Variants in RYK observed in about 807,000 individuals in gnomAD.
The protein encoded by RYK is inactive tyrosine-protein kinase RYK.
Under a neutral mutation model 70.2 loss-of-function variants are expected in RYK, and 21 were observed. That is an observed-to-expected ratio of 0.30 (90% CI 0.21 to 0.43). The LOEUF (loss-of-function observed/expected upper bound fraction) is 0.43, where lower values mean the gene tolerates loss of function less well. Ranked by LOEUF, RYK falls within the 20% of genes least tolerant of loss-of-function variation. The pLI is 1.00. For synonymous variants in RYK, 267 were observed against 278.0 expected (o/e 0.96, Z 0.39); for missense variants, 604 against 753.3 (o/e 0.80, Z 2.32).
At chr3:134,204,591 C>CCACCCACACACA (rs1553771724) in intron 5 of RYK, among the ~76,000 whole-genome samples, 2 of 140,694 alleles carry the variant, frequency 1.4e-5, no homozygotes, top group African/African-American at 5.3e-5. Context: ...ACAGCCACAG[C>CCACCCACACACA]CACACACACA....
At chr3:134,234,164 C>T (rs1215077202) in intron 1 of RYK, among the ~76,000 whole-genome samples, 1 of 151,968 alleles carries the variant, frequency 6.6e-6, no homozygotes, top group Non-Finnish European at 1.5e-5. Flanking sequence ...AATATGCATA[C>T]AGCTGCGACA....
chr3:134,216,768 G>T (rs1346790635), intron 2 of RYK, among the ~76,000 whole-genome samples: 1 of 125,350 alleles, frequency 8.0e-6, no homozygotes, highest in South Asian at 2.7e-4. Context: ...ACTCCAGCCT[G>T]GGCGACAGAG....
At chr3:134,158,373 G>A (rs1180454590) in intron 14 of RYK, 109 bp from the exon 15 acceptor site, 1 of 463,160 alleles carries the variant, frequency 2.2e-6, no homozygotes, top group Non-Finnish European at 3.7e-6. Context: ...GTATGGAGAG[G>A]ATGATATATT....
In RYK at chr3:134,203,644, A is replaced by G. The variant is rs182607557; in HGVS notation, c.644-770T>C. Among the ~76,000 whole-genome samples the G allele has an allele frequency of 1.9e-3, 283 of 152,334 alleles. 2 individuals are homozygous for G. The highest frequency in any genetic ancestry group is 6.3e-3 in the African/African-American group (263 of 41,580). On this transcript the variant is annotated intron_variant, in intron 5 of 14. Transcript: ENST00000623711. ...GGTACCTTTACAAAGATTAAAAAAAAGAAAGAAAAAAGATTTTAAATAGAA... is the reference window on the plus strand; with the variant it reads ...GGTACCTTTACAAAGATTAAAAAAAGGAAAGAAAAAAGATTTTAAATAGAA...
At chr3:134,250,283 G>C (rs1040643491) in intron 1 of RYK, 140 bp downstream of exon 1, 27 of 379,104 alleles carry the variant, frequency 7.1e-5, no homozygotes, top group Non-Finnish European at 1.1e-4. Flanking sequence ...GGCAGAGACC[G>C]GGCCGCGAGG....
At chr3:134,216,410 C>T (rs2014552839) in intron 2 of RYK, among the ~76,000 whole-genome samples, 1 of 151,206 alleles carries the variant, frequency 6.6e-6, no homozygotes, top group Non-Finnish European at 1.5e-5. Flanking sequence ...TGACGAATTC[C>T]TGAAAGCACA....
intron 1 of RYK, among the ~76,000 whole-genome samples, chr3:134,227,062 C>A (rs1446861528): frequency 6.6e-6 from 1 of 152,160 alleles, no homozygotes; most frequent in African/African-American, 2.4e-5. Flanking sequence ...TAAAATACTA[C>A]TAAAACCAAC....
chr3:134,214,944 C>T (rs560241033), intron 2 of RYK, among the ~76,000 whole-genome samples: 1 of 152,334 alleles, frequency 6.6e-6, no homozygotes, highest in South Asian at 2.1e-4. Flanking sequence ...GGTTCTAGCC[C>T]ATTTCACCAC....
At chr3:134,161,955 T>C (rs897205776) in intron 13 of RYK, among the ~76,000 whole-genome samples, 2 of 152,232 alleles carry the variant, frequency 1.3e-5, no homozygotes, top group Non-Finnish European at 2.9e-5. Context: ...TCAGCGTGGC[T>C]GTGCTTCCCC....
chr3:134,229,194 G>A (rs1245928407), intron 1 of RYK, among the ~76,000 whole-genome samples: 2 of 151,944 alleles, frequency 1.3e-5, no homozygotes, highest in African/African-American at 4.8e-5. Flanking sequence ...CTGCCAGAGC[G>A]GAGCGCTCCC....
chr3:134,204,623 A>ACACACACACG (rs1468546870), intron 5 of RYK, among the ~76,000 whole-genome samples: 1 of 151,632 alleles, frequency 6.6e-6, no homozygotes, highest in Non-Finnish European at 1.5e-5. Context: ...ACACACACAC[A>ACACACACACG]CACACGCAGA....
At chr3:134,169,176 CCTTGA>C (rs1427919085) in intron 13 of RYK, among the ~76,000 whole-genome samples, 16 of 152,230 alleles carry the variant, frequency 1.1e-4, no homozygotes, top group East Asian at 7.7e-4. Context: ...GAAGTTATTT[CCTTGA>C]CTTGTTTTTC....
At chr3:134,172,832 C>T (rs78983529) in intron 13 of RYK, among the ~76,000 whole-genome samples, 4,112 of 152,222 alleles carry the variant, frequency 0.027, 127 homozygotes, top group African/African-American at 0.071. Context: ...ATAAGCTGAA[C>T]CCTGGGATTC....
Position 134,207,488 on chromosome 3 carries a change from GT to G in RYK, c.626del (p.Asn209ThrfsTer25). 1 of 1,541,370 alleles carries G rather than the reference GT, an allele frequency of 6.5e-7. No homozygotes were observed. The highest frequency in any genetic ancestry group is 8.8e-7 in the Non-Finnish European group (1 of 1,140,240). ...AACACTTACAAATAGTTCTGCTAGT[GT>G]TTTTGTCCAAGGCTGAAGTTTTTAC... The part of the protein sequence containing the change: ...EEVKTSALDK[N>X]TSRTIYDPVH... On this transcript the variant is annotated frameshift_variant, in exon 5 of 15. Transcript: ENST00000623711. LOFTEE classifies it high-confidence loss of function.
intron 1 of RYK, among the ~76,000 whole-genome samples, chr3:134,235,377 A>G (rs2015176243): frequency 6.6e-6 from 1 of 152,130 alleles, no homozygotes; most frequent in South Asian, 2.1e-4. Flanking sequence ...CTTTTCCTGT[A>G]TATTTTCCAG....
chr3:134,196,479 A>C (rs1231807603), intron 6 of RYK, among the ~76,000 whole-genome samples: 1 of 152,020 alleles, frequency 6.6e-6, no homozygotes, highest in Admixed American at 6.6e-5. Flanking sequence ...TGCGGTGTGA[A>C]GCCTGTAGCT....
chr3:134,230,339 C>A (rs2015021847), intron 1 of RYK, among the ~76,000 whole-genome samples: 1 of 152,212 alleles, frequency 6.6e-6, no homozygotes, highest in Admixed American at 6.5e-5. Context: ...CCTCGGCCTC[C>A]CAAAGTACTG....
intron 2 of RYK, among the ~76,000 whole-genome samples, chr3:134,219,363 A>C (rs1230781816): frequency 6.6e-6 from 1 of 152,188 alleles, no homozygotes; most frequent in African/African-American, 2.4e-5. Context: ...CAGTAAAAGA[A>C]GGTTTTATTT....
intron 7 of RYK, 83 bp downstream of exon 7, chr3:134,194,999 C>T (rs2013767794): frequency 3.2e-6 from 3 of 946,614 alleles, no homozygotes; most frequent in Non-Finnish European, 5.1e-6. Context: ...ACATGTCCCA[C>T]AAGTACACTA....
Sources: allele counts gnomAD v4.1 joint callset (sites outside exome capture counted in the v4.1 genomes callset), GRCh38; gene constraint gnomAD v4.1.1; transcripts MANE v1.5; gene names NCBI Gene and HGNC (gene_info 2026-07-23, HGNC 2026-07-21).